Variants in RIN3 observed in about 807,000 individuals in gnomAD.
The protein encoded by RIN3 is RAB5 interacting protein 3.
In RIN3, 54 loss-of-function variants were observed where a neutral mutation model predicts 76.3. That is an observed-to-expected ratio of 0.71 (90% confidence interval 0.57 to 0.89). RIN3 has a LOEUF of 0.89. Ranked by LOEUF, RIN3 falls within the 40% of genes least tolerant of loss-of-function variation. The pLI, the probability that RIN3 is intolerant of heterozygous loss-of-function variation, is 0.00. For missense variants in RIN3, 1,256 were observed against 1,322.1 expected (o/e 0.95, Z 0.78); for synonymous variants, 576 against 564.0 (o/e 1.02, Z -0.30).
Position 92,685,427 on chromosome 14 carries a change from T to C in RIN3, c.2631+277T>C, listed in dbSNP as rs1390718892. The C allele has an allele frequency of 2.3e-6, 1 of 428,752 alleles. No individual in the cohort carries two copies. The highest frequency in any genetic ancestry group is 2.0e-5 in the African/African-American group (1 of 50,962). The allele number at this position is 428,752 out of a possible 1,614,324, so 26.6% of individuals were successfully genotyped here. ...AGGAGGAATGAGACACACCCATCATTCCTTAGCCCCTCCTAGGACCCAGCA... is the reference window on the plus strand; with the variant it reads ...AGGAGGAATGAGACACACCCATCATCCCTTAGCCCCTCCTAGGACCCAGCA... On this transcript the variant is annotated intron_variant, in intron 9 of 9. Transcript: ENST00000216487. The surrounding 1 kb of genome is among the most constrained non-coding windows in gnomAD (Gnocchi z 4.7).
intron 2 of RIN3, among the ~76,000 whole-genome samples, chr14:92,564,391 C>T (rs752570510): frequency 1.3e-5 from 2 of 152,124 alleles, no homozygotes; most frequent in East Asian, 3.9e-4. Context: ...TCCTGGATTG[C>T]GTTAATTTAC....
chr14:92,565,279 A>G (rs1897887607), intron 2 of RIN3, among the ~76,000 whole-genome samples: 1 of 152,074 alleles, frequency 6.6e-6, no homozygotes, highest in Non-Finnish European at 1.5e-5. Context: ...GAGCTTTGTG[A>G]CATTCGTTCT....
intron 4 of RIN3, among the ~76,000 whole-genome samples, chr14:92,621,691 A>G (rs1477589918): frequency 6.6e-6 from 1 of 152,262 alleles, no homozygotes; most frequent in East Asian, 1.9e-4. Context: ...GAAGTCTCAT[A>G]GTGGCTGCCC....
rs1302582003 is a variant in RIN3, at chr14:92,656,791, A to G, written c.2027-2370A>G. Reference sequence around the variant, plus strand: ...TTCAGCCTTTGGGAACAGGGTCAGCATCCACAGCAATGGTGCCATTCCAGA... The same window carrying G: ...TTCAGCCTTTGGGAACAGGGTCAGCGTCCACAGCAATGGTGCCATTCCAGA... On this transcript the variant is annotated intron_variant, in intron 6 of 9. Coordinates refer to ENST00000216487, the MANE Select transcript of RIN3 (RefSeq NM_024832.5). This position sits in a 1 kb window ranked among gnomAD's most constrained non-coding sequence, Gnocchi z 5.2. Among the ~76,000 whole-genome samples, 1 of 152,238 alleles carries G rather than the reference A, an allele frequency of 6.6e-6. No homozygotes were observed. Among genetic ancestry groups the G allele is most frequent in the Non-Finnish European group, 1.5e-5 (1 of 68,038 alleles).
intron 7 of RIN3, among the ~76,000 whole-genome samples, chr14:92,660,132 G>A (rs956464233): frequency 6.6e-6 from 1 of 152,210 alleles, no homozygotes; most frequent in Non-Finnish European, 1.5e-5. Flanking sequence ...AATTTTGAGG[G>A]GACAAAATTC....
chr14:92,547,135 G>GTAAATTATCTTTATTTTATTATTATAAAA (rs1897293909), intron 1 of RIN3, among the ~76,000 whole-genome samples: 1 of 28,434 alleles, frequency 3.5e-5, no homozygotes, highest in African/African-American at 1.3e-4. Context: ...TTATTATAAA[G>GTAAATTATCTTTATTTTATTATTATAAAA]TAAATTATCT....
At chr14:92,617,984 G>T (rs1886035473) in intron 4 of RIN3, among the ~76,000 whole-genome samples, 1 of 152,202 alleles carries the variant, frequency 6.6e-6, no homozygotes, top group South Asian at 2.1e-4. Flanking sequence ...CCTTCTAGAA[G>T]AGTGAAGGCC....
In RIN3 at chr14:92,561,055, A is replaced by ATATATATATATATATATC. The variant is rs71123360; in HGVS notation, c.249+5101_249+5102insATATATATATATATATCT. Among the ~76,000 whole-genome samples, 115 of 79,154 alleles carry ATATATATATATATATATC rather than the reference A, an allele frequency of 1.5e-3. 3 individuals carry two copies. The highest frequency in any genetic ancestry group is 3.7e-3 in the African/African-American group (83 of 22,332). The allele number at this position is 79,154 out of a possible 152,430, so 51.9% of individuals were successfully genotyped here. A position where few individuals can be genotyped will look rare whatever the true frequency, so the allele number is the denominator to read the frequency against. ...AAAAAAAAAAAAAAAATATATATAT[A>ATATATATATATATATATC]TCTGCCATATATATGCCATAAATAT... On this transcript the variant is annotated intron_variant, in intron 2 of 9. Transcript: ENST00000216487.
intron 3 of RIN3, among the ~76,000 whole-genome samples, chr14:92,605,536 A>T (rs1885499196): frequency 6.6e-6 from 1 of 152,256 alleles, no homozygotes; most frequent in Admixed American, 6.5e-5. Flanking sequence ...CAAAGCAAGG[A>T]TCAGGCTTGG....
At chr14:92,647,377 A>G (rs1887238788) in intron 5 of RIN3, among the ~76,000 whole-genome samples, 1 of 152,244 alleles carries the variant, frequency 6.6e-6, no homozygotes, top group Non-Finnish European at 1.5e-5. Flanking sequence ...GCCCTCAACT[A>G]TATTCAGCAG....
At chr14:92,585,465 T>C (rs1307633924) in intron 3 of RIN3, among the ~76,000 whole-genome samples, 1 of 152,176 alleles carries the variant, frequency 6.6e-6, no homozygotes, top group Admixed American at 6.5e-5. Context: ...TAACCACCAA[T>C]GCCAGTTAGC....
chr14:92,593,869 G>C (rs1885067805), intron 3 of RIN3, among the ~76,000 whole-genome samples: 1 of 152,172 alleles, frequency 6.6e-6, no homozygotes, highest in Non-Finnish European at 1.5e-5. Context: ...GGCAAAAGCT[G>C]ATGGAACTAC....
intron 8 of RIN3, among the ~76,000 whole-genome samples, chr14:92,683,793 T>A (rs888443681): frequency 3.9e-5 from 6 of 152,234 alleles, no homozygotes; most frequent in African/African-American, 1.4e-4. Flanking sequence ...CTTTAAAAAT[T>A]GCATGTAATA....
At chr14:92,679,251 T>C (rs1037639692) in intron 8 of RIN3, among the ~76,000 whole-genome samples, 1 of 152,124 alleles carries the variant, frequency 6.6e-6, no homozygotes, top group Non-Finnish European at 1.5e-5. Context: ...TCTGGCCCCA[T>C]AGAGAGGGCA....
At chr14:92,523,299 C>T (rs528714002) in intron 1 of RIN3, among the ~76,000 whole-genome samples, 11 of 152,140 alleles carry the variant, frequency 7.2e-5, no homozygotes, top group African/African-American at 1.7e-4. Flanking sequence ...TTAGTAGAGA[C>T]GGGGGTTTCA....
intron 4 of RIN3, among the ~76,000 whole-genome samples, chr14:92,620,866 T>C (rs1330107803): frequency 6.6e-6 from 1 of 152,196 alleles, no homozygotes; most frequent in Non-Finnish European, 1.5e-5. Flanking sequence ...AAATTGACTT[T>C]AGGCACATGG....
intron 7 of RIN3, among the ~76,000 whole-genome samples, chr14:92,671,338 G>A (rs904421405): frequency 1.1e-4 from 16 of 152,198 alleles, no homozygotes; most frequent in African/African-American, 3.9e-4. Context: ...GGGGAACTGC[G>A]TGTGCAAAGG....
At chr14:92,544,867 G>C (rs1897221085) in intron 1 of RIN3, among the ~76,000 whole-genome samples, 1 of 152,030 alleles carries the variant, frequency 6.6e-6, no homozygotes, top group Non-Finnish European at 1.5e-5. Context: ...TGCAGAACTG[G>C]TTGAAACCTC....
chr14:92,654,358 G>A (rs1887585459), intron 6 of RIN3, among the ~76,000 whole-genome samples: 2 of 151,880 alleles, frequency 1.3e-5, no homozygotes, highest in South Asian at 4.2e-4. Context: ...CATTCTGTCA[G>A]TTCGCACTGC....
Sources: gnomAD v4.1 joint callset for allele counts (sites outside exome capture counted in the v4.1 genomes callset) on GRCh38, gnomAD v4.1.1 for gene constraint, Gnocchi (gnomAD v3.1) non-coding constraint, MANE v1.5 for transcripts, NCBI Gene and HGNC (gene_info 2026-07-23, HGNC 2026-07-21) for gene names.